The following HIKESHI variants were observed in gnomAD, a reference collection of about 807,000 sequenced individuals.
The protein encoded by HIKESHI is heat shock protein nuclear import factor hikeshi.
Under a neutral mutation model 25.7 loss-of-function variants are expected in HIKESHI, and 13 were observed. That is an observed-to-expected ratio of 0.51 (90% CI 0.33 to 0.80). HIKESHI has a LOEUF of 0.80. HIKESHI is among the 30% of genes least tolerant of loss of function. The probability of loss-of-function intolerance (pLI) is 0.02; values close to 1 mark genes in which losing one functional copy is unlikely to be tolerated. For missense variants in HIKESHI, 174 were observed against 229.5 expected, an observed-to-expected ratio of 0.76 and a Z score of 1.56; for synonymous variants, 76 against 78.7, an observed-to-expected ratio of 0.97 and a Z score of 0.18.
At chr11:86,322,019 A>C (rs1173728438) in intron 2 of HIKESHI, among the ~76,000 whole-genome samples, 42 of 151,884 alleles carry the variant, frequency 2.8e-4, no homozygotes, top group Admixed American at 2.8e-3. Flanking sequence ...ACCAAGTCTC[A>C]CTCTGTCACC....
At chr11:86,340,086 T>C (rs1340471698) in intron 3 of HIKESHI, among the ~76,000 whole-genome samples, 1 of 152,214 alleles carries the variant, frequency 6.6e-6, no homozygotes, top group Non-Finnish European at 1.5e-5. Flanking sequence ...GAACTCACCC[T>C]TTTTTATAGC....
At chr11:86,324,552 T>G (rs912412273) in intron 2 of HIKESHI, among the ~76,000 whole-genome samples, 4 of 152,196 alleles carry the variant, frequency 2.6e-5, no homozygotes, top group Admixed American at 6.5e-5. Context: ...TGGAAAACTT[T>G]TTGAATGTTT....
chr11:86,328,321 C>T (rs867587755), intron 2 of HIKESHI, among the ~76,000 whole-genome samples: 14 of 151,460 alleles, frequency 9.2e-5, no homozygotes, highest in African/African-American at 2.7e-4. Flanking sequence ...TGCAGTGGCA[C>T]GATCTCAGCT....
chr11:86,335,450 G>A (rs978279650), intron 2 of HIKESHI, among the ~76,000 whole-genome samples: 1 of 152,142 alleles, frequency 6.6e-6, no homozygotes, highest in Non-Finnish European at 1.5e-5. Context: ...AGAAGGGTAC[G>A]TGCATTCCCA....
chr11:86,315,084 C>G (rs1353307172), intron 2 of HIKESHI, among the ~76,000 whole-genome samples: 2 of 152,202 alleles, frequency 1.3e-5, no homozygotes, highest in East Asian at 1.9e-4. Flanking sequence ...ATTTTTTATT[C>G]TTCGCTTTGG....
At chr11:86,324,787 G>T (rs1438597730) in intron 2 of HIKESHI, among the ~76,000 whole-genome samples, 1 of 152,124 alleles carries the variant, frequency 6.6e-6, no homozygotes, top group Non-Finnish European at 1.5e-5. Flanking sequence ...GTAACTTCAG[G>T]CACTTGATTG....
chr11:86,338,373 T>C (rs1453494786), intron 3 of HIKESHI, among the ~76,000 whole-genome samples: 1 of 152,072 alleles, frequency 6.6e-6, no homozygotes, highest in African/African-American at 2.4e-5. Flanking sequence ...TGTCCTTGAG[T>C]AGAAAATAGC....
intron 2 of HIKESHI, among the ~76,000 whole-genome samples, chr11:86,314,174 T>G (rs919588325): frequency 3.3e-5 from 5 of 152,126 alleles, no homozygotes; most frequent in Admixed American, 6.5e-5. Flanking sequence ...CTCTTGTAGG[T>G]GTAGAGAAGC....
intron 2 of HIKESHI, among the ~76,000 whole-genome samples, chr11:86,335,449 C>T (rs967313013): frequency 2.6e-5 from 4 of 152,086 alleles, no homozygotes; most frequent in African/African-American, 4.8e-5. Context: ...TAGAAGGGTA[C>T]GTGCATTCCC....
intron 3 of HIKESHI, among the ~76,000 whole-genome samples, chr11:86,340,012 G>A (rs1407503409): frequency 6.7e-6 from 1 of 150,096 alleles, no homozygotes; most frequent in Non-Finnish European, 1.5e-5. Flanking sequence ...TTGGTTTTCT[G>A]TCCTTGTGAT....
rs1335377875 is a variant in HIKESHI, at chr11:86,320,902, C to A, written c.268+14420C>A. Among the ~76,000 whole-genome samples, 3 of 152,078 alleles carry A rather than the reference C, an allele frequency of 2.0e-5. No homozygotes were observed. The East Asian group carries it at 5.8e-4, about 29-fold the overall frequency. Reference sequence around the variant, plus strand: ...CAGAATAATTATTTTTACAGTCATTCATGTTATGTCGATCCTTTTGATTGT... The same window carrying A: ...CAGAATAATTATTTTTACAGTCATTAATGTTATGTCGATCCTTTTGATTGT... On this transcript the variant is annotated intron_variant, in intron 2 of 4. Coordinates refer to ENST00000278483, the MANE Select transcript of HIKESHI (RefSeq NM_016401.4).
Position 86,337,419 on chromosome 11 carries a change from C to T in HIKESHI, c.309C>T (p.Val103=). 6.2e-7 allele frequency: 1 copy of T among 1,613,858 alleles called. No individual in the cohort carries two copies. Among genetic ancestry groups the T allele is most frequent in the Non-Finnish European group, 8.5e-7 (1 of 1,179,906 alleles). The change falls in exon 3 of 5, where the codon GTC becomes GTT. Residue 103 remains valine (V), a synonymous_variant. Coordinates refer to ENST00000278483, the MANE Select transcript of HIKESHI (RefSeq NM_016401.4). ...SQHPFGAMNI[V]RTPSVAQIGI... is the part of the protein sequence containing the mutation. ...ATCCTTTTGGAGCCATGAATATTGT[C>T]CGAACTCCATCTGTTGCTCAGATTG...
At chr11:86,337,269 C>A in intron 2 of HIKESHI, 110 bp from the exon 3 acceptor site, 1 of 1,011,178 alleles carries the variant, frequency 9.9e-7, no homozygotes, top group Non-Finnish European at 1.4e-6. Flanking sequence ...CAAACTTGGA[C>A]ATAAAACTTT....
At chr11:86,328,387 T>C (rs1947337404) in intron 2 of HIKESHI, among the ~76,000 whole-genome samples, 2 of 151,664 alleles carry the variant, frequency 1.3e-5, no homozygotes, top group South Asian at 4.2e-4. Context: ...GCTTCCTGAG[T>C]AGCTGGGACT....
chr11:86,328,906 TTG>T (rs139954147), intron 2 of HIKESHI, among the ~76,000 whole-genome samples: 66,533 of 144,992 alleles, frequency 0.46, 14,994 homozygotes, highest in East Asian at 0.57. Context: ...GTTTTGTGTT[TTG>T]TGTGTGTGTG....
At chr11:86,345,056 C>A in intron 4 of HIKESHI, 1 of 931,330 alleles carries the variant, frequency 1.1e-6, no homozygotes, top group Non-Finnish European at 1.4e-6. Flanking sequence ...ACATGAATGG[C>A]TAATGAATCT....
intron 2 of HIKESHI, among the ~76,000 whole-genome samples, chr11:86,320,649 CAGTT>C (rs1226109650): frequency 6.6e-6 from 1 of 152,164 alleles, no homozygotes; most frequent in African/African-American, 2.4e-5. Context: ...AATTGACACA[CAGTT>C]AATTGCACAT....
chr11:86,330,718 T>C (rs74659203), intron 2 of HIKESHI, among the ~76,000 whole-genome samples: 1 of 152,152 alleles, frequency 6.6e-6, no homozygotes, highest in Non-Finnish European at 1.5e-5. Flanking sequence ...GTACCTAAAG[T>C]ATTTTCTTCT....
At chr11:86,308,236 TTA>T (rs1295287648) in intron 2 of HIKESHI, among the ~76,000 whole-genome samples, 4 of 11,804 alleles carry the variant, frequency 3.4e-4, no homozygotes, top group African/African-American at 7.0e-4. Context: ...AAAATATATA[TTA>T]TATATAAAAT....
Sources: allele counts gnomAD v4.1 joint callset (sites outside exome capture counted in the v4.1 genomes callset), GRCh38; gene constraint gnomAD v4.1.1; transcripts MANE v1.5; gene names NCBI Gene and HGNC (gene_info 2026-07-23, HGNC 2026-07-21).